Variants in CACNA1I observed in about 807,000 individuals in gnomAD.
CACNA1I encodes the protein voltage-dependent T-type calcium channel subunit alpha-1I.
A neutral mutation model predicts 201.6 loss-of-function variants in CACNA1I; 74 were observed. That is an observed-to-expected ratio of 0.37 (90% CI 0.30 to 0.45). The LOEUF (loss-of-function observed/expected upper bound fraction) is 0.45, where lower values mean the gene tolerates loss of function less well. Among genes scored for constraint, CACNA1I ranks in the 20% least tolerant of loss-of-function variants. The pLI is 1.00. For synonymous variants in CACNA1I, 1,431 were observed against 1,345.2 expected (o/e 1.06, Z -1.40); for missense variants, 2,346 against 3,138.1 (o/e 0.75, Z 6.03).
At chr22:39,647,537 G>C (rs1934526772) in intron 8 of CACNA1I, among the ~76,000 whole-genome samples, 1 of 152,126 alleles carries the variant, frequency 6.6e-6, no homozygotes, top group Admixed American at 6.6e-5. Context: ...TCAGCCTTCG[G>C]AGTAGCTGGG....
chr22:39,638,604 C>T (rs136817), intron 5 of CACNA1I, among the ~76,000 whole-genome samples: 24,847 of 151,696 alleles, frequency 0.16, 2,256 homozygotes, highest in Admixed American at 0.27. Flanking sequence ...AGTGTTTCTT[C>T]CTATATATTG....
At chr22:39,624,946 T>A (rs1400857107) in intron 4 of CACNA1I, among the ~76,000 whole-genome samples, 1 of 142,588 alleles carries the variant, frequency 7.0e-6, no homozygotes, top group Non-Finnish European at 1.5e-5. Flanking sequence ...TCTAGCCCTG[T>A]CACCCAGGCT....
At chr22:39,601,315 C>A (rs1313223724) in intron 3 of CACNA1I, among the ~76,000 whole-genome samples, 1 of 152,244 alleles carries the variant, frequency 6.6e-6, no homozygotes. Flanking sequence ...ACTCCTGTCT[C>A]GGGGAGGCAC....
At position 39,677,863 on chromosome 22, in the gene CACNA1I, C is replaced by A; in HGVS notation, c.4934-124C>A. The A allele has an allele frequency of 8.9e-7, 1 of 1,120,124 alleles. No homozygotes were observed. 69.4% of individuals were successfully genotyped at this position (1,120,124 alleles called of 1,614,324 possible). A position where few individuals can be genotyped will look rare whatever the true frequency, so the allele number is the denominator to read the frequency against. On this transcript the variant is annotated intron_variant, in intron 30 of 36. Coordinates refer to ENST00000402142, the MANE Select transcript of CACNA1I (RefSeq NM_021096.4). This position sits in a 1 kb window ranked among gnomAD's most constrained non-coding sequence, Gnocchi z 4.8. ...AGCCTCAGTTTATCTGTGGGCTGGGCACAGTCTGCAGGCCCCTCCTAGGGT... is the reference window on the plus strand; with the variant it reads ...AGCCTCAGTTTATCTGTGGGCTGGGAACAGTCTGCAGGCCCCTCCTAGGGT...
intron 26 of CACNA1I, 102 bp from the exon 27 acceptor site, chr22:39,672,097 T>G (rs137967239): frequency 1.4e-6 from 1 of 697,466 alleles, no homozygotes; most frequent in African/African-American, 1.8e-5. Context: ...TAAAAGTAAA[T>G]GGACTAAATT....
chr22:39,570,953 C>A lies in CACNA1I; in HGVS notation c.201C>A (p.Ser67Arg), dbSNP rs1219490035. 8.1e-6 allele frequency: 13 copies of A among 1,613,544 alleles called. No individual in the cohort carries two copies. Among genetic ancestry groups the A allele is most frequent in the Non-Finnish European group, 1.1e-5 (13 of 1,179,726 alleles). ...TCTTCTGCCTGCGACAGACCACCAG[C>A]CCCCGGAACTGGTGCATCAAGATGG... Reference protein sequence around the residue: ...IAFFCLRQTTSPRNWCIKMVC... With the variant: ...IAFFCLRQTTRPRNWCIKMVC... The change falls in exon 1 of 37, where the codon AGC becomes AGA. Residue 67 changes from serine (S) to arginine (R), a missense_variant. By Grantham distance (110) the Ser-to-Arg change is moderately radical. Around this residue, in one of 13 missense-constraint regions of CACNA1I, gnomAD observed 130 missense variants for 160.7 expected, o/e 0.81. Coordinates refer to ENST00000402142, the MANE Select transcript of CACNA1I (RefSeq NM_021096.4).
At chr22:39,641,449 C>T (rs942098978) in intron 6 of CACNA1I, among the ~76,000 whole-genome samples, 8 of 152,222 alleles carry the variant, frequency 5.3e-5, no homozygotes, top group African/African-American at 1.9e-4. Flanking sequence ...AAAGCCTGAG[C>T]TCTTTGCAGA....
At chr22:39,621,709 T>C (rs1766043475) in intron 4 of CACNA1I, among the ~76,000 whole-genome samples, 1 of 151,540 alleles carries the variant, frequency 6.6e-6, no homozygotes, top group Admixed American at 6.6e-5. Context: ...ACTGTGAGGG[T>C]CTTGGGGAAG....
intron 19 of CACNA1I, 50 bp from the exon 20 acceptor site, chr22:39,664,041 C>G (rs780265202): frequency 6.3e-6 from 10 of 1,580,616 alleles, no homozygotes; most frequent in Admixed American, 3.4e-5. Flanking sequence ...GGCCAGTGGC[C>G]GGGCAGCTCT....
At chr22:39,650,667 C>T (rs751598730) in intron 10 of CACNA1I, among the ~76,000 whole-genome samples, 18 of 152,280 alleles carry the variant, frequency 1.2e-4, no homozygotes, top group Non-Finnish European at 2.2e-4. Context: ...GACTCCACCC[C>T]ATACAGCCCC....
chr22:39,581,726 G>A (rs931438546), intron 1 of CACNA1I, among the ~76,000 whole-genome samples: 1 of 152,218 alleles, frequency 6.6e-6, no homozygotes, highest in African/African-American at 2.4e-5. Context: ...TGGTCCCATT[G>A]AGAGACAAAT....
intron 1 of CACNA1I, among the ~76,000 whole-genome samples, chr22:39,585,602 G>C (rs1932722340): frequency 6.7e-6 from 1 of 148,796 alleles, no homozygotes; most frequent in African/African-American, 2.5e-5. Flanking sequence ...TGACCAGGCT[G>C]GTCTTGAACT....
chr22:39,660,811 C>A (rs546311775), intron 15 of CACNA1I, among the ~76,000 whole-genome samples: 1 of 152,076 alleles, frequency 6.6e-6, no homozygotes, highest in Non-Finnish European at 1.5e-5. Flanking sequence ...GTAACTGGGG[C>A]GGACAGTCCC....
At chr22:39,617,726 C>T (rs539841422) in intron 3 of CACNA1I, among the ~76,000 whole-genome samples, 4 of 152,134 alleles carry the variant, frequency 2.6e-5, no homozygotes, top group African/African-American at 9.6e-5. Context: ...TTCCAGGTCA[C>T]CATCGGCCCT....
chr22:39,579,127 C>T (rs1044334067), intron 1 of CACNA1I, among the ~76,000 whole-genome samples: 6 of 152,364 alleles, frequency 3.9e-5, no homozygotes, highest in Middle Eastern at 3.4e-3. Context: ...ACGCCTCTGA[C>T]GTTACCATGT....
chr22:39,612,365 GA>G (rs1268375841), intron 3 of CACNA1I, among the ~76,000 whole-genome samples: 2 of 152,198 alleles, frequency 1.3e-5, no homozygotes, highest in Admixed American at 6.5e-5. Flanking sequence ...TATAGCAGCA[GA>G]AAATGGACTA....
chr22:39,669,958 A>G lies in CACNA1I; in HGVS notation c.4195-80A>G, dbSNP rs1199903958. ...GGCTCAACACATGCCCACTCCATGG[A>G]GGCTCAGCCAGGATGGGCACCTCCC... On this transcript the variant is annotated intron_variant, in intron 24 of 36. Transcript: ENST00000402142. 2.6e-6 allele frequency: 4 copies of G among 1,516,180 alleles called. No homozygotes were observed. In the African/African-American group the frequency reaches 5.5e-5, roughly 21 times the overall value. The allele number at this position is 1,516,180 out of a possible 1,614,324, so 93.9% of individuals were successfully genotyped here.
chr22:39,606,400 C>T (rs768941416), intron 3 of CACNA1I, among the ~76,000 whole-genome samples: 2 of 152,202 alleles, frequency 1.3e-5, no homozygotes, highest in Non-Finnish European at 1.5e-5. Context: ...CTGAGGCAGC[C>T]GCTCATTCCA....
intron 2 of CACNA1I, among the ~76,000 whole-genome samples, chr22:39,599,405 G>T (rs1329674926): frequency 7.0e-6 from 1 of 141,934 alleles, no homozygotes; most frequent in Non-Finnish European, 1.5e-5. Context: ...GGATCACGAG[G>T]TCAGGAGATC....
Sources: allele counts gnomAD v4.1 joint callset (sites outside exome capture counted in the v4.1 genomes callset), GRCh38; gene constraint gnomAD v4.1.1; regional missense constraint gnomAD v4.1.1; non-coding constraint Gnocchi (gnomAD v3.1); transcripts MANE v1.5; gene names NCBI Gene and HGNC (gene_info 2026-07-23, HGNC 2026-07-21).